Variants in PPP2R2C observed in about 807,000 individuals in gnomAD.
The protein encoded by PPP2R2C is protein phosphatase 2 regulatory subunit Bgamma.
A neutral mutation model predicts 45.3 loss-of-function variants in PPP2R2C; 10 were observed. The observed-to-expected ratio is 0.22, with a 90% CI of 0.14 to 0.37. PPP2R2C has a LOEUF of 0.37. Among genes scored for constraint, PPP2R2C ranks in the 10% least tolerant of loss-of-function variants. The pLI is 1.00. For missense variants in PPP2R2C, 308 were observed against 619.7 expected (o/e 0.50, Z 5.34); for synonymous variants, 257 against 245.4 (o/e 1.05, Z -0.44).
rs1314242873 is a variant in PPP2R2C at position 6,362,152 on chromosome 4, G to A, written c.625+10371C>T. Reference sequence around the variant, plus strand: ...GTGAGAGCCAGGCTGGAGAGGATGCGGCGCCAGCAGAACTCAGAGGGAGCA... The same window carrying A: ...GTGAGAGCCAGGCTGGAGAGGATGCAGCGCCAGCAGAACTCAGAGGGAGCA... On this transcript the variant is annotated intron_variant, in intron 5 of 8. Transcript: ENST00000382599. Among the ~76,000 whole-genome samples the A allele has an allele frequency of 9.9e-5, 15 of 152,216 alleles. 1 individual carries two copies. Among genetic ancestry groups the A allele is most frequent in the South Asian group, 6.2e-4 (3 of 4,830 alleles).
intron 1 of PPP2R2C, among the ~76,000 whole-genome samples, chr4:6,442,095 TC>T (rs1325579584): frequency 6.6e-6 from 1 of 152,136 alleles, no homozygotes; most frequent in Non-Finnish European, 1.5e-5. Context: ...ATCCACCTGC[TC>T]TTTGATCTGG....
chr4:6,416,693 C>A (rs532454479), intron 1 of PPP2R2C, among the ~76,000 whole-genome samples: 2 of 152,348 alleles, frequency 1.3e-5, no homozygotes, highest in African/African-American at 4.8e-5. Context: ...CGCCCTCCAG[C>A]CCGGGACCAC....
intron 2 of PPP2R2C, among the ~76,000 whole-genome samples, chr4:6,530,892 G>A (rs1271585620): frequency 6.6e-6 from 1 of 152,212 alleles, no homozygotes; most frequent in South Asian, 2.1e-4. Context: ...CCAGGCTGCT[G>A]TGCACCTGTC....
chr4:6,337,676 A>G (rs1733088927), intron 6 of PPP2R2C, among the ~76,000 whole-genome samples: 2 of 152,162 alleles, frequency 1.3e-5, no homozygotes, highest in Admixed American at 6.5e-5. Flanking sequence ...TGGGTGTCAC[A>G]GGGCAGAACG....
chr4:6,561,796 C>T (rs1045456223), intron 1 of PPP2R2C, among the ~76,000 whole-genome samples: 2 of 152,202 alleles, frequency 1.3e-5, no homozygotes, highest in African/African-American at 4.8e-5. Context: ...CATTGCCAGC[C>T]GCAAGCAGGC....
chr4:6,545,337 C>T (rs1037194320), intron 1 of PPP2R2C, among the ~76,000 whole-genome samples: 1 of 152,168 alleles, frequency 6.6e-6, no homozygotes, highest in African/African-American at 2.4e-5. Context: ...GTTAATTTAC[C>T]TCCACTAACA....
At chr4:6,401,996 T>C (rs997634698) in intron 1 of PPP2R2C, among the ~76,000 whole-genome samples, 1 of 152,168 alleles carries the variant, frequency 6.6e-6, no homozygotes, top group African/African-American at 2.4e-5. Flanking sequence ...TTTGGGCCAG[T>C]TGCTCAACCT....
At position 6,368,776 on chromosome 4, in the gene PPP2R2C, C is replaced by T. The variant is rs1714558492; in HGVS notation, c.625+3747G>A. Among the ~76,000 whole-genome samples, 6 of 152,156 alleles carry T rather than the reference C, an allele frequency of 3.9e-5. No homozygotes were observed. Among genetic ancestry groups the T allele is most frequent in the Admixed American group, 3.9e-4 (6 of 15,272 alleles). On this transcript the variant is annotated intron_variant, in intron 5 of 8. Coordinates refer to ENST00000382599, the MANE Select transcript of PPP2R2C (RefSeq NM_020416.4). The surrounding 1 kb of genome is among the most constrained non-coding windows in gnomAD (Gnocchi z 4.2). ...CTCTCACTCTCTCTCCCCGGGTCTC[C>T]TTGCTGGTTCCCAAGCCGCCAGCCT...
intron 2 of PPP2R2C, among the ~76,000 whole-genome samples, chr4:6,510,960 G>C (rs984655401): frequency 5.3e-5 from 7 of 131,242 alleles, no homozygotes; most frequent in African/African-American, 8.4e-5. Context: ...CTCGGCAACA[G>C]AGTGAGACTC....
chr4:6,459,180 G>A (rs976900946), intron 1 of PPP2R2C, among the ~76,000 whole-genome samples: 1 of 152,048 alleles, frequency 6.6e-6, no homozygotes, highest in African/African-American at 2.4e-5. Context: ...TGGATGGCTT[G>A]CCTGAGGGCT....
chr4:6,415,376 T>C (rs981956596), intron 1 of PPP2R2C, among the ~76,000 whole-genome samples: 1 of 152,252 alleles, frequency 6.6e-6, no homozygotes, highest in Non-Finnish European at 1.5e-5. Context: ...TCACTGTTTC[T>C]GCTTTTTTAA....
intron 5 of PPP2R2C, among the ~76,000 whole-genome samples, chr4:6,356,976 G>A (rs1373241052): frequency 1.3e-5 from 2 of 151,628 alleles, no homozygotes; most frequent in Non-Finnish European, 2.9e-5. Context: ...GCCAGTCTCA[G>A]CCTCTCTGGA....
chr4:6,383,773 AGGCTTAATTCAC>A, intron 1 of PPP2R2C: 1 of 990,184 alleles, frequency 1.0e-6, no homozygotes, highest in South Asian at 3.5e-5. Context: ...CAGGAGCCTC[AGGCTTAATTCAC>A]GGCTTCAAAT....
intron 1 of PPP2R2C, among the ~76,000 whole-genome samples, chr4:6,403,308 G>A (rs1474951877): frequency 5.3e-5 from 8 of 152,212 alleles, no homozygotes; most frequent in Non-Finnish European, 1.2e-4. Flanking sequence ...GGAGCGGAGC[G>A]GAGCCCCTTA....
intron 4 of PPP2R2C, among the ~76,000 whole-genome samples, chr4:6,375,279 G>A (rs1364583861): frequency 6.6e-6 from 1 of 152,170 alleles, no homozygotes; most frequent in Non-Finnish European, 1.5e-5. Context: ...ACTGACTACT[G>A]CTTTATATTT....
chr4:6,491,921 C>T lies in PPP2R2C; in HGVS notation c.49+43350G>A, dbSNP rs145430695. On this transcript the variant is annotated intron_variant, in intron 2 of 9. Transcript: ENST00000506140. Reference sequence around the variant, plus strand: ...CTATTTTCTTAATAAATTACCCAGTCTCAGGTAGTTCCTTATAGCAATGCG... The same window carrying T: ...CTATTTTCTTAATAAATTACCCAGTTTCAGGTAGTTCCTTATAGCAATGCG... Among the ~76,000 whole-genome samples the T allele has an allele frequency of 4.4e-3, 666 of 152,268 alleles. 7 individuals carry two copies. Among genetic ancestry groups the T allele is most frequent in the African/African-American group, 0.015 (633 of 41,550 alleles).
intron 2 of PPP2R2C, among the ~76,000 whole-genome samples, chr4:6,499,161 T>C (rs1722966476): frequency 6.6e-6 from 1 of 152,172 alleles, no homozygotes; most frequent in African/African-American, 2.4e-5. Context: ...CCTCAGGAGC[T>C]GGGACTCCTT....
chr4:6,554,969 GA>G (rs57360171), intron 1 of PPP2R2C, among the ~76,000 whole-genome samples: 233 of 125,692 alleles, frequency 1.9e-3, no homozygotes, highest in African/African-American at 5.7e-3. Context: ...GAAAGAAAGA[GA>G]AAGAAAGAAA....
At position 6,364,540 on chromosome 4, in the gene PPP2R2C, CAGCTA is replaced by C. The variant is rs1714105767; in HGVS notation, c.625+7978_625+7982del. ...CTGTAAGGAGACACCTGGGGAAACA[CAGCTA>C]ATGAAGCAATGATGCTGCAGCTCGG... On this transcript the variant is annotated intron_variant, in intron 5 of 8. Coordinates refer to ENST00000382599, the MANE Select transcript of PPP2R2C (RefSeq NM_020416.4). This position sits in a 1 kb window ranked among gnomAD's most constrained non-coding sequence, Gnocchi z 5.3. Among the ~76,000 whole-genome samples the C allele has an allele frequency of 6.6e-6, 1 of 151,940 alleles. No individual in the cohort carries two copies. Among genetic ancestry groups the C allele is most frequent in the Admixed American group, 6.6e-5 (1 of 15,264 alleles).
Sources: allele counts gnomAD v4.1 joint callset (sites outside exome capture counted in the v4.1 genomes callset), GRCh38; gene constraint gnomAD v4.1.1; non-coding constraint Gnocchi (gnomAD v3.1); transcripts MANE v1.5; gene names NCBI Gene and HGNC (gene_info 2026-07-23, HGNC 2026-07-21).